The following ACTR1B variants were observed in gnomAD, a reference collection of about 807,000 sequenced individuals.
ACTR1B encodes the protein actin related protein 1B, also known as beta-centractin.
In ACTR1B, 34 loss-of-function variants were observed where a neutral mutation model predicts 49.4. The ratio of observed to expected loss-of-function variants is 0.69; its 90% CI spans 0.52 to 0.92. ACTR1B has a LOEUF of 0.92. Among genes scored for constraint, ACTR1B ranks in the 40% least tolerant of loss-of-function variants. The pLI, the probability that ACTR1B is intolerant of heterozygous loss-of-function variation, is 0.00. For synonymous variants in ACTR1B, 207 were observed against 207.8 expected, an observed-to-expected ratio of 1.00 and a Z score of 0.03; for missense variants, 471 against 522.4, an observed-to-expected ratio of 0.90 and a Z score of 0.96.
chr2:97,662,347 C>G (rs1269658783), intron 1 of ACTR1B, among the ~76,000 whole-genome samples: 1 of 151,804 alleles, frequency 6.6e-6, no homozygotes, highest in Non-Finnish European at 1.5e-5. Context: ...TTGGCTCCAG[C>G]AGGATTCCAT....
Position 97,657,500 on chromosome 2 carries a change from T to G in ACTR1B, c.935A>C (p.Asp312Ala). The G allele has an allele frequency of 6.2e-7, 1 of 1,614,176 alleles. No individual in the cohort carries two copies. The highest frequency in any genetic ancestry group is 8.5e-7 in the Non-Finnish European group (1 of 1,180,032). ...CTTCTTCACTTCACTGAGTAATCGGTCTCCGAAGCCTGTGAACACAAAGCT... is the reference window on the plus strand; with the variant it reads ...CTTCTTCACTTCACTGAGTAATCGGGCTCCGAAGCCTGTGAACACAAAGCT... ...GGSTLFKGFGDRLLSEVKKLA... is the reference protein window; with the variant it reads ...GGSTLFKGFGARLLSEVKKLA... The change falls in exon 9 of 11, where the codon GAC (aspartate) becomes GCC (alanine). Residue 312 changes from aspartate (D) to alanine (A), a missense_variant. Asp to Ala is a moderately radical substitution (Grantham distance 126). Transcript: ENST00000289228.
In ACTR1B at chr2:97,659,274, A is replaced by G; in HGVS notation, c.315+78T>C. On this transcript the variant is annotated intron_variant, in intron 4 of 10. Coordinates refer to ENST00000289228, the MANE Select transcript of ACTR1B (RefSeq NM_005735.4). The surrounding 1 kb of genome is among the most constrained non-coding windows in gnomAD (Gnocchi z 4.0). ...TAGAAATGTAGAAGGGAAATGTGGG[A>G]GCCCGGCGAGGAGGGACGCAGAGGA... 2 of 1,595,132 alleles carry G rather than the reference A, an allele frequency of 1.3e-6. No homozygotes were observed. Among genetic ancestry groups the G allele is most frequent in the Non-Finnish European group, 1.7e-6 (2 of 1,170,464 alleles).
chr2:97,660,952 C>T (rs1674998427), intron 2 of ACTR1B, among the ~76,000 whole-genome samples: 1 of 152,208 alleles, frequency 6.6e-6, no homozygotes, highest in Non-Finnish European at 1.5e-5. Flanking sequence ...CACAGTGACT[C>T]AGCCCACGCT....
In ACTR1B at chr2:97,659,551, CCCTCACCTGCCCTGACCAGAA is replaced by C. The variant is rs150112418; in HGVS notation, c.190-95_190-75del. 825,032 of 1,489,176 alleles carry C rather than the reference CCCTCACCTGCCCTGACCAGAA, an allele frequency of 0.55. 259,313 individuals are homozygous for C. The highest frequency in any genetic ancestry group is 0.63 in the Non-Finnish European group (681,356 of 1,084,584). 92.2% of individuals were successfully genotyped at this position (1,489,176 alleles called of 1,614,324 possible). The stretch of plus-strand genomic sequence containing the variant: ...TGCTTTCCGCCCTCCTGGAAGCTGA[CCCTCACCTGCCCTGACCAGAA>C]CCTCACCTGCCCTGACCAGAACCAC... On this transcript the variant is annotated intron_variant, in intron 3 of 10. Coordinates refer to ENST00000289228, the MANE Select transcript of ACTR1B (RefSeq NM_005735.4). This position sits in a 1 kb window ranked among gnomAD's most constrained non-coding sequence, Gnocchi z 4.0.
At chr2:97,662,043 A>G in intron 1 of ACTR1B, 97 bp from the exon 2 acceptor site, 2 of 1,278,968 alleles carry the variant, frequency 1.6e-6, no homozygotes, top group South Asian at 2.6e-5. Context: ...AAGGCAGGCC[A>G]AGGAGGAAGC....
rs753231961 is a variant in ACTR1B, at chr2:97,659,324, G to T, written c.315+28C>A. 1 of 1,613,452 alleles carries T rather than the reference G, an allele frequency of 6.2e-7. No individual in the cohort carries two copies. The highest frequency in any genetic ancestry group is 1.1e-5 in the South Asian group (1 of 91,068). On this transcript the variant is annotated intron_variant, in intron 4 of 10. Transcript: ENST00000289228. The surrounding 1 kb of genome is among the most constrained non-coding windows in gnomAD (Gnocchi z 4.0). ...AGAGGGGCATGGCCAGGAGAATGCAGAGCATGCAGGAGGGGCAGCCGCCAC... is the reference window on the plus strand; with the variant it reads ...AGAGGGGCATGGCCAGGAGAATGCATAGCATGCAGGAGGGGCAGCCGCCAC...
rs551047888 is a variant in ACTR1B at position 97,658,170 on chromosome 2, C to A, written c.751-53G>T. ...GGCTTCCTGGAGAAGCGGGCTACCCCTTCCCCCAGGCTGGGCATCGGCTGC... is the reference window on the plus strand; with the variant it reads ...GGCTTCCTGGAGAAGCGGGCTACCCATTCCCCCAGGCTGGGCATCGGCTGC... On this transcript the variant is annotated intron_variant, in intron 7 of 10. Coordinates refer to ENST00000289228, the MANE Select transcript of ACTR1B (RefSeq NM_005735.4). This position sits in a 1 kb window ranked among gnomAD's most constrained non-coding sequence, Gnocchi z 5.9. 3.2e-5 allele frequency: 51 copies of A among 1,613,512 alleles called. No individual in the cohort carries two copies. The East Asian group carries it at 8.9e-4, about 28-fold the overall frequency.
Position 97,656,726 on chromosome 2 carries a change from T to A in ACTR1B, c.*132A>T. The A allele has an allele frequency of 1.4e-6, 1 of 704,768 alleles. No individual in the cohort carries two copies. Among genetic ancestry groups the A allele is most frequent in the Non-Finnish European group, 2.5e-6 (1 of 403,564 alleles). 43.7% of individuals were successfully genotyped at this position (704,768 alleles called of 1,614,324 possible). ...GGGGAAGGCTGCAGGGGGGCACTGC[T>A]GTGCCACCCACCCAGGGGTTCAGGG... On this transcript the variant is annotated 3_prime_UTR_variant, in exon 11 of 11. Transcript: ENST00000289228.
At chr2:97,662,841 T>C (rs1047166980) in intron 1 of ACTR1B, among the ~76,000 whole-genome samples, 3 of 152,224 alleles carry the variant, frequency 2.0e-5, no homozygotes, top group Admixed American at 2.0e-4. Context: ...TGCTCCTTCC[T>C]GCAGCGTCCT....
chr2:97,663,856 A>G lies in ACTR1B; in HGVS notation c.35T>C (p.Val12Ala), dbSNP rs1675103782. The G allele has an allele frequency of 1.4e-6, 2 of 1,415,796 alleles. No individual in the cohort carries two copies. Among genetic ancestry groups the G allele is most frequent in the Non-Finnish European group, 1.9e-6 (2 of 1,070,224 alleles). 87.7% of individuals were successfully genotyped at this position (1,415,796 alleles called of 1,614,324 possible). A position where few individuals can be genotyped will look rare whatever the true frequency, so the allele number is the denominator to read the frequency against. The change falls in exon 1 of 11, where the codon GTG (valine) becomes GCG (alanine). Residue 12 changes from valine (V) to alanine (A), a missense_variant. Coordinates refer to ENST00000289228, the MANE Select transcript of ACTR1B (RefSeq NM_005735.4). ...GCCGGGCCTCACGTTGTCGATGACCACAGGCTGGTTGGCGATGATGTCGTA... is the reference window on the plus strand; with the variant it reads ...GCCGGGCCTCACGTTGTCGATGACCGCAGGCTGGTTGGCGATGATGTCGTA... The part of the protein sequence containing the change: ...ESYDIIANQP[V>A]VIDNGSGVIK...
rs1238679781 is a variant in ACTR1B at position 97,663,873 on chromosome 2, G to A, written c.18C>T (p.Ile6=). The A allele has an allele frequency of 7.1e-7, 1 of 1,406,060 alleles. No homozygotes were observed. The highest frequency in any genetic ancestry group is 3.4e-5 in the East Asian group (1 of 29,214). The allele number at this position is 1,406,060 out of a possible 1,614,324, so 87.1% of individuals were successfully genotyped here. MESYD[I]IANQPVVIDN... ...CGATGACCACAGGCTGGTTGGCGAT[G>A]ATGTCGTAGGACTCCATGGCCGGGC... is the stretch of plus-strand genomic sequence containing the variant. Residue 6 remains isoleucine (I), a synonymous_variant, in exon 1 of 11, where the codon ATC becomes ATT. Transcript: ENST00000289228.
At position 97,657,222 on chromosome 2, in the gene ACTR1B, T is replaced by C. The variant is rs746386781; in HGVS notation, c.988-30A>G. On this transcript the variant is annotated intron_variant, in intron 9 of 10. Transcript: ENST00000289228. ...AAGGAGGAAGTGGCCACGTTAACTGTGGATCCCCACCCAGAAGCCATCCTC... is the reference window on the plus strand; with the variant it reads ...AAGGAGGAAGTGGCCACGTTAACTGCGGATCCCCACCCAGAAGCCATCCTC... 3.5e-5 allele frequency: 57 copies of C among 1,609,158 alleles called. 1 individual carries two copies. Among genetic ancestry groups the C allele is most frequent in the Admixed American group, 1.7e-5 (1 of 59,656 alleles).
At chr2:97,661,410 A>G (rs926992569) in intron 2 of ACTR1B, among the ~76,000 whole-genome samples, 1 of 152,168 alleles carries the variant, frequency 6.6e-6, no homozygotes, top group African/African-American at 2.4e-5. Context: ...TGGGTTTGCA[A>G]TTCTTATTCC....
rs556426438 is a variant in ACTR1B at position 97,657,018 on chromosome 2, T to C, written c.1029-58A>G. ...CCTGTCAGGGAGCCAACCACCTTCC[T>C]GGGTGCTCAGAGTTGCATTTCCCTA... is the stretch of plus-strand genomic sequence containing the variant. On this transcript the variant is annotated intron_variant, in intron 10 of 10. Coordinates refer to ENST00000289228, the MANE Select transcript of ACTR1B (RefSeq NM_005735.4). 3.4e-5 allele frequency: 53 copies of C among 1,576,024 alleles called. 1 individual carries two copies. The South Asian group carries it at 5.7e-4, about 17-fold the overall frequency.
chr2:97,659,759 A>G lies in ACTR1B; in HGVS notation c.190-282T>C, dbSNP rs1259512012. On this transcript the variant is annotated intron_variant, in intron 3 of 10. Transcript: ENST00000289228. This position sits in a 1 kb window ranked among gnomAD's most constrained non-coding sequence, Gnocchi z 4.0. ...CAATCTGCAGGCTCTCTTCTTCCCCATTCTCACTGCCGGCACATCCCCCAC... is the reference window on the plus strand; with the variant it reads ...CAATCTGCAGGCTCTCTTCTTCCCCGTTCTCACTGCCGGCACATCCCCCAC... The G allele has an allele frequency of 4.0e-6, 2 of 497,010 alleles. No homozygotes were observed. The highest frequency in any genetic ancestry group is 7.2e-6 in the Non-Finnish European group (2 of 277,078). 30.8% of individuals were successfully genotyped at this position (497,010 alleles called of 1,614,324 possible). A position where few individuals can be genotyped will look rare whatever the true frequency, so the allele number is the denominator to read the frequency against.
At position 97,659,468 on chromosome 2, in the gene ACTR1B, C is replaced by G. The variant is rs1215343972; in HGVS notation, c.199G>C (p.Gly67Arg). Residue 67 changes from glycine to arginine, a missense_variant, in exon 4 of 11, where the codon GGG (glycine) becomes CGG (arginine). Physicochemically the swap from Gly to Arg is moderately radical, Grantham distance 125. Transcript: ENST00000289228. This position sits in a 1 kb window ranked among gnomAD's most constrained non-coding sequence, Gnocchi z 4.0. ...FIGPKAEEHR[G>R]LLTIRYPMEH... is the part of the protein sequence containing the mutation. ...ATGGGGTAGCGGATGGTCAGCAGCCCCCGGTGCTCCTGGTGGGGTGGGAAG... is the reference window on the plus strand; with the variant it reads ...ATGGGGTAGCGGATGGTCAGCAGCCGCCGGTGCTCCTGGTGGGGTGGGAAG... 6.2e-7 allele frequency: 1 copy of G among 1,613,562 alleles called. No homozygotes were observed. Among genetic ancestry groups the G allele is most frequent in the African/African-American group, 1.3e-5 (1 of 74,916 alleles).
In ACTR1B at chr2:97,658,537, C is replaced by T; in HGVS notation, c.547G>A (p.Val183Met). Reference sequence around the variant, plus strand: ...GAGACGTCGCGGCCGGCAATGTCCACCCGCATGATGGAGTGAGGCATGGCA... The same window carrying T: ...GAGACGTCGCGGCCGGCAATGTCCATCCGCATGATGGAGTGAGGCATGGCA... Reference protein sequence around the residue: ...GFAMPHSIMRVDIAGRDVSRY... With the variant: ...GFAMPHSIMRMDIAGRDVSRY... Residue 183 changes from valine to methionine, a missense_variant, in exon 6 of 11, where the codon GTG (valine) becomes ATG (methionine). Coordinates refer to ENST00000289228, the MANE Select transcript of ACTR1B (RefSeq NM_005735.4). The surrounding 1 kb of genome is among the most constrained non-coding windows in gnomAD (Gnocchi z 5.9). 6.2e-7 allele frequency: 1 copy of T among 1,614,108 alleles called. No individual in the cohort carries two copies. Among genetic ancestry groups the T allele is most frequent in the Non-Finnish European group, 8.5e-7 (1 of 1,180,020 alleles).
chr2:97,660,513 C>G (rs1362996966), intron 3 of ACTR1B, 58 bp downstream of exon 3: 1 of 1,553,298 alleles, frequency 6.4e-7, no homozygotes, highest in African/African-American at 1.4e-5. Flanking sequence ...AGAACACATG[C>G]CATGTTCCTG....
chr2:97,658,257 C>A lies in ACTR1B; in HGVS notation c.717G>T (p.Val239=). 3 of 1,614,208 alleles carry A rather than the reference C, an allele frequency of 1.9e-6. No individual in the cohort carries two copies. Among genetic ancestry groups the A allele is most frequent in the Non-Finnish European group, 2.5e-6 (3 of 1,180,042 alleles). Residue 239 remains valine (V), a synonymous_variant, in exon 7 of 11, where the codon GTG becomes GTT. Transcript: ENST00000289228. This position sits in a 1 kb window ranked among gnomAD's most constrained non-coding sequence, Gnocchi z 5.9. ...TGCTGCCGTCTGGCAACGTGTACTGCACCTTCTCCGTCTCCAGAGCCTCAT... is the reference window on the plus strand; with the variant it reads ...TGCTGCCGTCTGGCAACGTGTACTGAACCTTCTCCGTCTCCAGAGCCTCAT... ...QKDEALETEK[V]QYTLPDGSTL...
Sources: allele counts gnomAD v4.1 joint callset (sites outside exome capture counted in the v4.1 genomes callset), GRCh38; gene constraint gnomAD v4.1.1; non-coding constraint Gnocchi (gnomAD v3.1); transcripts MANE v1.5; gene names NCBI Gene and HGNC (gene_info 2026-07-23, HGNC 2026-07-21).